CALCR: variants seen among roughly 807,000 people sequenced by gnomAD.
CALCR encodes the protein calcitonin receptor.
A neutral mutation model predicts 59.5 loss-of-function variants in CALCR; 47 were observed. That is an observed-to-expected ratio of 0.79 (90% CI 0.63 to 1.01). The LOEUF is 1.01. Ranked by LOEUF, CALCR falls within the 50% of genes least tolerant of loss-of-function variation. CALCR has a pLI of 0.00. For missense variants in CALCR, 566 were observed against 597.1 expected, an observed-to-expected ratio of 0.95 and a Z score of 0.54; for synonymous variants, 213 against 211.3, an observed-to-expected ratio of 1.01 and a Z score of -0.07.
intron 13 of CALCR, among the ~76,000 whole-genome samples, chr7:93,430,899 C>G (rs1026212680): frequency 1.3e-5 from 2 of 152,176 alleles, no homozygotes; most frequent in Admixed American, 6.5e-5. Flanking sequence ...CATTGAGACT[C>G]AAAGCTGGCT....
intron 2 of CALCR, chr7:93,496,062 A>G: frequency 4.5e-6 from 3 of 664,630 alleles, no homozygotes; most frequent in Admixed American, 3.5e-5. Context: ...TTACTTGAAA[A>G]GCAAAGTTAA....
In CALCR at chr7:93,486,919, T is replaced by C. The variant is rs759854105; in HGVS notation, c.51+12A>G. On this transcript the variant is annotated intron_variant, in intron 3 of 13. Transcript: ENST00000426151. Reference sequence around the variant, plus strand: ...TCATTAGCATGGCTTTGAATACTTTTGTTTTACTTACATTTAGAAGAAGAA... The same window carrying C: ...TCATTAGCATGGCTTTGAATACTTTCGTTTTACTTACATTTAGAAGAAGAA... 4 of 1,493,470 alleles carry C rather than the reference T, an allele frequency of 2.7e-6. No individual in the cohort carries two copies. The highest frequency in any genetic ancestry group is 3.7e-6 in the Non-Finnish European group (4 of 1,075,728). 92.5% of individuals were successfully genotyped at this position (1,493,470 alleles called of 1,614,324 possible).
At chr7:93,471,330 C>CA (rs1313620096) in intron 6 of CALCR, among the ~76,000 whole-genome samples, 3 of 151,764 alleles carry the variant, frequency 2.0e-5, no homozygotes, top group Non-Finnish European at 2.9e-5. Context: ...AGGGTGTAGA[C>CA]ATGCATCTGA....
Position 93,559,301 on chromosome 7 carries a change from C to G in CALCR, c.-27+14988G>C, listed in dbSNP as rs1789686215. ...TAGATACTGAGGAGCCAAAACTTTT[C>G]CACCCCCTCCCCTCAGTCCCTAAGA... On this transcript the variant is annotated intron_variant, in intron 2 of 13. Coordinates refer to ENST00000426151, the MANE Select transcript of CALCR (RefSeq NM_001742.4). Among the ~76,000 whole-genome samples the G allele has an allele frequency of 3.3e-5, 5 of 151,924 alleles. No individual in the cohort carries two copies. In the South Asian group the frequency reaches 1.0e-3, roughly 31 times the overall value.
chr7:93,503,005 T>C (rs1022974994), intron 2 of CALCR, among the ~76,000 whole-genome samples: 2 of 152,166 alleles, frequency 1.3e-5, no homozygotes, highest in Non-Finnish European at 2.9e-5. Context: ...CTATTATTGT[T>C]ACTGTAATTT....
At chr7:93,569,807 A>G (rs1789958805) in intron 2 of CALCR, among the ~76,000 whole-genome samples, 1 of 152,084 alleles carries the variant, frequency 6.6e-6, no homozygotes, top group Non-Finnish European at 1.5e-5. Flanking sequence ...AGGATGAAGG[A>G]AGGTAAGATT....
At chr7:93,489,038 A>G (rs963253591) in intron 2 of CALCR, among the ~76,000 whole-genome samples, 1 of 151,942 alleles carries the variant, frequency 6.6e-6, no homozygotes, top group African/African-American at 2.4e-5. Flanking sequence ...AGCAAAAGCA[A>G]AAGAACTAAA....
At chr7:93,507,081 G>T (rs1801440690) in intron 2 of CALCR, among the ~76,000 whole-genome samples, 1 of 152,092 alleles carries the variant, frequency 6.6e-6, no homozygotes, top group Admixed American at 6.6e-5. Flanking sequence ...AAATTACCCA[G>T]TCTCAGGTAT....
intron 7 of CALCR, among the ~76,000 whole-genome samples, chr7:93,466,923 C>G (rs966706691): frequency 1.3e-5 from 2 of 151,750 alleles, no homozygotes; most frequent in Non-Finnish European, 2.9e-5. Context: ...GCTCTCACAT[C>G]TCCTCACTTA....
chr7:93,489,772 C>T (rs1406851924), intron 2 of CALCR, among the ~76,000 whole-genome samples: 3 of 151,876 alleles, frequency 2.0e-5, no homozygotes, highest in African/African-American at 7.2e-5. Context: ...AATTAATGGC[C>T]TACCAACCAA....
At chr7:93,482,287 T>C (rs1800815300) in intron 3 of CALCR, among the ~76,000 whole-genome samples, 1 of 151,864 alleles carries the variant, frequency 6.6e-6, no homozygotes. Flanking sequence ...ATAGAGATAT[T>C]AATTATTGGT....
chr7:93,545,387 A>G (rs1228503514), intron 2 of CALCR, among the ~76,000 whole-genome samples: 2 of 152,160 alleles, frequency 1.3e-5, no homozygotes, highest in African/African-American at 4.8e-5. Flanking sequence ...CTCTAGATAG[A>G]CAGGCTCAAA....
At chr7:93,504,679 G>T (rs935843061) in intron 2 of CALCR, among the ~76,000 whole-genome samples, 1 of 151,978 alleles carries the variant, frequency 6.6e-6, no homozygotes, top group African/African-American at 2.4e-5. Flanking sequence ...AAGCAAAACT[G>T]TATTTTTTTA....
intron 2 of CALCR, among the ~76,000 whole-genome samples, chr7:93,537,263 C>T (rs144469665): frequency 6.6e-6 from 1 of 151,722 alleles, no homozygotes; most frequent in Admixed American, 6.6e-5. Flanking sequence ...AGTGAAATTC[C>T]CTCATTGCCA....
intron 2 of CALCR, among the ~76,000 whole-genome samples, chr7:93,556,322 A>G (rs1789604285): frequency 6.6e-6 from 1 of 152,178 alleles, no homozygotes; most frequent in Admixed American, 6.6e-5. Context: ...GATTTCTGAG[A>G]TCCTCTTCAA....
chr7:93,453,704 C>T (rs1800153099), intron 8 of CALCR, among the ~76,000 whole-genome samples: 1 of 151,946 alleles, frequency 6.6e-6, no homozygotes, highest in Non-Finnish European at 1.5e-5. Flanking sequence ...TCACTGATTT[C>T]ATGTGTAGAG....
chr7:93,513,214 G>A (rs1447759673), intron 2 of CALCR, among the ~76,000 whole-genome samples: 1 of 152,068 alleles, frequency 6.6e-6, no homozygotes, highest in Non-Finnish European at 1.5e-5. Flanking sequence ...GGGTACCTAT[G>A]AGTAATCTCA....
At chr7:93,523,666 C>T (rs1250726002) in intron 2 of CALCR, among the ~76,000 whole-genome samples, 1 of 152,136 alleles carries the variant, frequency 6.6e-6, no homozygotes, top group African/African-American at 2.4e-5. Context: ...TAAAGTAGCA[C>T]TTCAAAAGCA....
At chr7:93,553,833 C>T (rs1283948088) in intron 2 of CALCR, among the ~76,000 whole-genome samples, 1 of 152,072 alleles carries the variant, frequency 6.6e-6, no homozygotes, top group East Asian at 1.9e-4. Flanking sequence ...TCTGTGTGAT[C>T]CAAAAGCAAG....
Sources: allele counts gnomAD v4.1 joint callset (sites outside exome capture counted in the v4.1 genomes callset), GRCh38; gene constraint gnomAD v4.1.1; transcripts MANE v1.5; gene names NCBI Gene and HGNC (gene_info 2026-07-23, HGNC 2026-07-21).